The following CAPN14 variants were observed in gnomAD, a reference collection of about 807,000 sequenced individuals.
The protein encoded by CAPN14 is calpain 14, also known as calpain-14.
Under a neutral mutation model 101.3 loss-of-function variants are expected in CAPN14, and 94 were observed. That is an observed-to-expected ratio of 0.93 (90% confidence interval 0.79 to 1.10). CAPN14 has a LOEUF of 1.10. CAPN14 is among the 50% of genes least tolerant of loss of function. CAPN14 has a pLI of 0.00. For missense variants in CAPN14, 837 were observed against 828.4 expected (o/e 1.01, Z -0.13); for synonymous variants, 338 against 317.9 (o/e 1.06, Z -0.67).
intron 1 of CAPN14, among the ~76,000 whole-genome samples, chr2:31,209,051 C>G (rs1682253867): frequency 6.6e-6 from 1 of 152,022 alleles, no homozygotes; most frequent in South Asian, 2.1e-4. Flanking sequence ...CTTACTACAG[C>G]CTTGAACTCC....
intron 1 of CAPN14, among the ~76,000 whole-genome samples, chr2:31,206,021 A>ATTTTTTTTTTTTTTTTTTTTTTTT (rs200116287): frequency 2.8e-5 from 3 of 108,750 alleles, no homozygotes; most frequent in Non-Finnish European, 4.0e-5. Context: ...CATTATCTTT[A>ATTTTTTTTTTTTTTTTTTTTTTTT]TTTTTTTTAT....
Position 31,227,583 on chromosome 2 carries a change from T to C in CAPN14, c.-176-932A>G, listed in dbSNP as rs78450115. Reference sequence around the variant, plus strand: ...AAACGTATCAGGTCCTTGACCTACATTGTTTCATTTTATCCCCACAACAAC... The same window carrying C: ...AAACGTATCAGGTCCTTGACCTACACTGTTTCATTTTATCCCCACAACAAC... On this transcript the variant is annotated intron_variant and NMD_transcript_variant, in intron 1 of 21. Transcript: ENST00000398824. Among the ~76,000 whole-genome samples, 974 of 152,340 alleles carry C rather than the reference T, an allele frequency of 6.4e-3. 2 individuals carry two copies. Among genetic ancestry groups the C allele is most frequent in the African/African-American group, 0.022 (924 of 41,574 alleles).
intron 1 of CAPN14, among the ~76,000 whole-genome samples, chr2:31,212,312 C>CAAAAAAAAAAA (rs72155600): frequency 6.3e-5 from 7 of 110,408 alleles, no homozygotes; most frequent in African/African-American, 1.2e-4. Context: ...CGTCTCAAAA[C>CAAAAAAAAAAA]AAAAAAAAAA....
chr2:31,193,023 TC>T, intron 10 of CAPN14, 107 bp downstream of exon 10: 1 of 1,125,582 alleles, frequency 8.9e-7, no homozygotes, highest in Non-Finnish European at 1.3e-6. Context: ...CAGAGCCTCC[TC>T]CCCACTCAGC....
intron 2 of CAPN14, among the ~76,000 whole-genome samples, chr2:31,224,130 C>T (rs940297908): frequency 6.6e-6 from 1 of 152,104 alleles, no homozygotes; most frequent in African/African-American, 2.4e-5. Context: ...GAGACTGGGG[C>T]AGTGCTTTAG....
rs190731332 is a variant in CAPN14, at chr2:31,201,621, A to G, written c.551+241T>C. 2.0e-5 allele frequency among the ~76,000 whole-genome samples: 3 copies of G among 152,320 alleles called. No homozygotes were observed. The East Asian group carries it at 5.8e-4, about 29-fold the overall frequency. On this transcript the variant is annotated intron_variant, in intron 5 of 21. Coordinates refer to ENST00000403897, the MANE Select transcript of CAPN14 (RefSeq NM_001145122.2). ...CCATCCCAGGAGCAAAGGACAGAAT[A>G]TACACTCAGAGCTCCTATCCCCCTT... is the stretch of plus-strand genomic sequence containing the variant.
intron 1 of CAPN14, among the ~76,000 whole-genome samples, chr2:31,231,332 CAT>C (rs748191836): frequency 7.9e-5 from 12 of 152,318 alleles, no homozygotes; most frequent in East Asian, 1.9e-4. Flanking sequence ...AAAGAATTCA[CAT>C]GTTTGTGACA....
At chr2:31,182,205 A>G (rs1680681103) in intron 16 of CAPN14, among the ~76,000 whole-genome samples, 1 of 151,578 alleles carries the variant, frequency 6.6e-6, no homozygotes, top group African/African-American at 2.4e-5. Context: ...AGAGCTATCT[A>G]TGACAAACCC....
chr2:31,225,193 A>G (rs1188184448), intron 2 of CAPN14, among the ~76,000 whole-genome samples: 1 of 152,114 alleles, frequency 6.6e-6, no homozygotes, highest in Admixed American at 6.5e-5. Context: ...TGGTTCATAA[A>G]CAATTTCAAA....
intron 16 of CAPN14, among the ~76,000 whole-genome samples, chr2:31,181,222 G>A (rs1003751459): frequency 1.3e-5 from 2 of 152,060 alleles, no homozygotes; most frequent in African/African-American, 4.8e-5. Context: ...GTACGGCTTG[G>A]GTTTGCTTAC....
chr2:31,197,028 G>A (rs1328747616), intron 8 of CAPN14, among the ~76,000 whole-genome samples: 2 of 152,072 alleles, frequency 1.3e-5, no homozygotes, highest in East Asian at 1.9e-4. Context: ...ATGCTGGCAA[G>A]CCCTCAAACA....
rs909685933 is a variant in CAPN14, at chr2:31,177,797, C to T, written c.1804G>A (p.Gly602Arg). 16 of 1,551,894 alleles carry T rather than the reference C, an allele frequency of 1.0e-5. No individual in the cohort carries two copies. The highest frequency in any genetic ancestry group is 1.3e-5 in the Non-Finnish European group (15 of 1,147,046). The change falls in exon 19 of 22, where the codon GGG becomes AGG. Residue 602 changes from glycine to arginine, a missense_variant. By Grantham distance (125) the Gly-to-Arg change is moderately radical (BLOSUM62 -2). Transcript: ENST00000403897. ...TGCTCCCAGTTCAGGTATCCTGACC[C>T]ACGGTCTTGCTTGTGGAAAACCTTC... ...SQKVFHKQDR[G>R]SGYLNWEQLH...
Position 31,205,372 on chromosome 2 carries a change from G to T in CAPN14, c.76C>A (p.Pro26Thr), listed in dbSNP as rs1290509632. The stretch of plus-strand genomic sequence containing the variant: ...AGCAGGGCCTCAAAGTCCTGTTGGG[G>T]TTGCTGTGGAGACGCCCTCCTAGAG... ...RYSRRASPQQ[P>T]QQDFEALLAE... is the part of the protein sequence containing the mutation. Residue 26 changes from proline (P) to threonine (T), a missense_variant, in exon 2 of 22, where the codon CCC becomes ACC. Physicochemically the swap from Pro to Thr is conservative, Grantham distance 38. Transcript: ENST00000403897. 1.9e-6 allele frequency: 3 copies of T among 1,551,480 alleles called. No homozygotes were observed. The highest frequency in any genetic ancestry group is 4.9e-5 in the East Asian group (2 of 40,918).
In CAPN14 at chr2:31,200,743, C is replaced by T. The variant is rs749391683; in HGVS notation, c.552-118G>A. On this transcript the variant is annotated intron_variant, in intron 5 of 21. Transcript: ENST00000403897. ...TAGTTTTCTCATACCAAAAGCAGAG[C>T]TCAGGCAACCCTGACATAGTTTCCA... 2.7e-4 allele frequency: 260 copies of T among 948,820 alleles called. 2 individuals carry two copies. In the Admixed American group the frequency reaches 3.8e-3, roughly 14 times the overall value. The allele number at this position is 948,820 out of a possible 1,614,324, so 58.8% of individuals were successfully genotyped here.
Position 31,173,447 on chromosome 2 carries a change from C to A in CAPN14, c.*1234G>T, listed in dbSNP as rs1291006535. 6.6e-6 allele frequency: 1 copy of A among 152,094 alleles called. No individual in the cohort carries two copies. Among genetic ancestry groups the A allele is most frequent in the East Asian group, 1.9e-4 (1 of 5,198 alleles). 9.4% of individuals were successfully genotyped at this position (152,094 alleles called of 1,614,324 possible). ...TGCTATGGAGTTGGAAATCAAACAGCCATGTTTGTTAGAATTGTTTGTAAA... is the reference window on the plus strand; with the variant it reads ...TGCTATGGAGTTGGAAATCAAACAGACATGTTTGTTAGAATTGTTTGTAAA... On this transcript the variant is annotated 3_prime_UTR_variant, in exon 22 of 22. Transcript: ENST00000403897.
At chr2:31,218,045 TC>T (rs1682731484), upstream of CAPN14, among the ~76,000 whole-genome samples, 1 of 152,138 alleles carries the variant, frequency 6.6e-6, no homozygotes, top group African/African-American at 2.4e-5. Flanking sequence ...TTGAGATCGC[TC>T]CCTCTTCCTT....
At chr2:31,222,162 C>T (rs886963088), upstream of CAPN14, among the ~76,000 whole-genome samples, 18 of 152,234 alleles carry the variant, frequency 1.2e-4, no homozygotes, top group African/African-American at 4.1e-4. Context: ...ATGAATTTTC[C>T]TCCTACAGTT....
chr2:31,221,671 G>A (rs973981741), upstream of CAPN14, among the ~76,000 whole-genome samples: 3 of 152,172 alleles, frequency 2.0e-5, no homozygotes, highest in Admixed American at 6.5e-5. Context: ...CTGATCGCCA[G>A]GGAGAACAGC....
intron 1 of CAPN14, among the ~76,000 whole-genome samples, chr2:31,229,262 C>G (rs938947693): frequency 5.3e-5 from 8 of 152,012 alleles, no homozygotes; most frequent in Non-Finnish European, 7.4e-5. Flanking sequence ...TTTTCTAGTC[C>G]TTGGTTTGAA....
Sources: allele counts gnomAD v4.1 joint callset (sites outside exome capture counted in the v4.1 genomes callset), GRCh38; gene constraint gnomAD v4.1.1; transcripts MANE v1.5; gene names NCBI Gene and HGNC (gene_info 2026-07-23, HGNC 2026-07-21).